The following STK33 variants were observed in gnomAD, a reference collection of about 807,000 sequenced individuals.
The protein encoded by STK33 is serine/threonine-protein kinase 33.
Under a neutral mutation model 58.0 loss-of-function variants are expected in STK33, and 52 were observed. That is an observed-to-expected ratio of 0.90 (90% confidence interval 0.72 to 1.13). The LOEUF (loss-of-function observed/expected upper bound fraction) is 1.13. Among genes scored for constraint, STK33 ranks in the 50% most tolerant of loss-of-function variants. The pLI, the probability that STK33 is intolerant of heterozygous loss-of-function variation, is 0.00. For missense variants in STK33, 630 were observed against 604.2 expected (o/e 1.04, Z -0.45); for synonymous variants, 215 against 200.1 (o/e 1.07, Z -0.63).
intron 1 of STK33, among the ~76,000 whole-genome samples, chr11:8,556,147 A>C (rs1004720559): frequency 6.6e-6 from 1 of 152,186 alleles, no homozygotes; most frequent in African/African-American, 2.4e-5. Context: ...GTTGAAGTAG[A>C]ATATTGAGAC....
intron 11 of STK33, 119 bp from the exon 12 acceptor site, chr11:8,440,872 A>G: frequency 4.2e-6 from 4 of 951,174 alleles, no homozygotes; most frequent in Non-Finnish European, 6.2e-6. Context: ...TAGGGAAAAG[A>G]GAACCAACAG....
chr11:8,570,434 A>G (rs758086597), intron 1 of STK33, among the ~76,000 whole-genome samples: 18 of 152,242 alleles, frequency 1.2e-4, no homozygotes, highest in Non-Finnish European at 2.6e-4. Context: ...AGAAAAATAA[A>G]TACATATGTC....
chr11:8,391,561 T>A (rs938396395), downstream of STK33, among the ~76,000 whole-genome samples: 5 of 151,886 alleles, frequency 3.3e-5, no homozygotes, highest in African/African-American at 1.2e-4. Flanking sequence ...CCATGGGGGG[T>A]TGGAATGGAA....
chr11:8,403,179 A>G (rs1247369428), intron 15 of STK33, among the ~76,000 whole-genome samples: 1 of 152,206 alleles, frequency 6.6e-6, no homozygotes, highest in Non-Finnish European at 1.5e-5. Context: ...AAATCACTGT[A>G]GGCTGTTCTT....
intron 1 of STK33, among the ~76,000 whole-genome samples, chr11:8,552,499 T>C (rs1956370104): frequency 1.3e-5 from 2 of 152,208 alleles, no homozygotes; most frequent in African/African-American, 4.8e-5. Context: ...AAAACACAAA[T>C]ACAGGTTCAG....
chr11:8,336,013 G>A, the STK33 span, among the ~76,000 whole-genome samples: 5 of 152,208 alleles, frequency 3.3e-5, no homozygotes, highest in Non-Finnish European at 7.3e-5. Flanking sequence ...ATGCAAACCA[G>A]GCTCTGGGAT....
intron 1 of STK33, among the ~76,000 whole-genome samples, chr11:8,574,046 G>C (rs545233571): frequency 6.6e-6 from 1 of 152,246 alleles, no homozygotes; most frequent in African/African-American, 2.4e-5. Flanking sequence ...GTTGCCCATG[G>C]ACCCCAACAC....
intron 1 of STK33, among the ~76,000 whole-genome samples, chr11:8,540,972 C>A (rs1591702403): frequency 8.4e-6 from 1 of 118,566 alleles, no homozygotes; most frequent in Non-Finnish European, 1.8e-5. Context: ...TACTATCTCT[C>A]TCTCTCTCTC....
At chr11:8,540,669 T>C (rs563739691) in intron 1 of STK33, among the ~76,000 whole-genome samples, 15 of 152,104 alleles carry the variant, frequency 9.9e-5, no homozygotes, top group African/African-American at 3.6e-4. Flanking sequence ...CTCTCACTTA[T>C]ACATGGAATA....
At chr11:8,445,039 T>C (rs1487854030) in intron 11 of STK33, among the ~76,000 whole-genome samples, 2 of 152,028 alleles carry the variant, frequency 1.3e-5, no homozygotes, top group Non-Finnish European at 2.9e-5. Context: ...ATGTTTTCCA[T>C]TTGTGTCCTC....
intron 1 of STK33, among the ~76,000 whole-genome samples, chr11:8,553,673 T>A (rs1956527206): frequency 6.6e-6 from 1 of 152,146 alleles, no homozygotes; most frequent in Admixed American, 6.5e-5. Context: ...ATGTTTTTTT[T>A]TACAAAGGTG....
the STK33 span, among the ~76,000 whole-genome samples, chr11:8,368,027 G>T: frequency 6.6e-5 from 10 of 152,146 alleles, no homozygotes; most frequent in Admixed American, 1.3e-4. Context: ...ATGTGATGAA[G>T]CGGGACTGAG....
At chr11:8,502,263 A>C (rs1446906005) in intron 1 of STK33, among the ~76,000 whole-genome samples, 2 of 152,130 alleles carry the variant, frequency 1.3e-5, no homozygotes, top group African/African-American at 4.8e-5. Context: ...GTAACCAAAA[A>C]AGCATGGTGC....
intron 1 of STK33, among the ~76,000 whole-genome samples, chr11:8,502,865 A>C (rs550057445): frequency 4.6e-5 from 7 of 152,238 alleles, no homozygotes; most frequent in Non-Finnish European, 7.3e-5. Flanking sequence ...GCCAATAAGC[A>C]TATGAAAAAA....
At chr11:8,439,869 T>TTTTATATA (rs1554930118) in intron 12 of STK33, among the ~76,000 whole-genome samples, 13 of 107,258 alleles carry the variant, frequency 1.2e-4, no homozygotes, top group African/African-American at 4.1e-4. Context: ...TATATTATAA[T>TTTTATATA]TATATATATA....
intron 1 of STK33, among the ~76,000 whole-genome samples, chr11:8,585,705 T>C (rs1194457640): frequency 6.8e-6 from 1 of 147,686 alleles, no homozygotes; most frequent in Non-Finnish European, 1.5e-5. Flanking sequence ...AGCCCAGGAG[T>C]TCAAGACCAG....
intron 14 of STK33, among the ~76,000 whole-genome samples, chr11:8,425,653 A>T (rs1942628314): frequency 6.6e-6 from 1 of 152,186 alleles, no homozygotes; most frequent in Non-Finnish European, 1.5e-5. Context: ...TTTCTGCTTC[A>T]AATATGCTTC....
chr11:8,540,279 G>A (rs1202035414), intron 1 of STK33, among the ~76,000 whole-genome samples: 1 of 150,620 alleles, frequency 6.6e-6, no homozygotes, highest in African/African-American at 2.4e-5. Flanking sequence ...CTAGAAGTTT[G>A]AGACCAGGCA....
At chr11:8,584,378 G>C (rs1185503055) in intron 1 of STK33, among the ~76,000 whole-genome samples, 1 of 152,132 alleles carries the variant, frequency 6.6e-6, no homozygotes, top group Non-Finnish European at 1.5e-5. Flanking sequence ...GTGCCAGCCT[G>C]GACTGTGTCT....
Sources: gnomAD v4.1 joint callset for allele counts (sites outside exome capture counted in the v4.1 genomes callset) on GRCh38, gnomAD v4.1.1 for gene constraint, MANE v1.5 for transcripts, NCBI Gene and HGNC (gene_info 2026-07-23, HGNC 2026-07-21) for gene names.